Variants in DOCK3 observed in about 807,000 individuals in gnomAD.
DOCK3 encodes the protein dedicator of cytokinesis protein 3.
In DOCK3, 60 loss-of-function variants were observed where a neutral mutation model predicts 265.6. The observed-to-expected ratio is 0.23, with a 90% CI of 0.18 to 0.28. DOCK3 has a LOEUF of 0.28. Ranked by LOEUF, DOCK3 falls within the 10% of genes least tolerant of loss-of-function variation. The pLI is 1.00. For missense variants in DOCK3, 1,981 were observed against 2,594.3 expected (o/e 0.76, Z 5.14); for synonymous variants, 881 against 938.0 (o/e 0.94, Z 1.11).
At chr3:50,686,627 C>T (rs1307626734) in intron 1 of DOCK3, among the ~76,000 whole-genome samples, 2 of 152,126 alleles carry the variant, frequency 1.3e-5, no homozygotes, top group Non-Finnish European at 2.9e-5. Context: ...AATCTCTGCT[C>T]GCCAAGCATG....
intron 5 of DOCK3, among the ~76,000 whole-genome samples, chr3:51,041,471 C>G (rs1002054013): frequency 9.2e-5 from 14 of 151,856 alleles, no homozygotes; most frequent in African/African-American, 3.1e-4. Context: ...CCCGCCTCAG[C>G]TTCCCAAAGT....
At chr3:50,815,627 T>G (rs1008956334) in intron 2 of DOCK3, among the ~76,000 whole-genome samples, 7 of 152,164 alleles carry the variant, frequency 4.6e-5, no homozygotes, top group African/African-American at 1.7e-4. Context: ...CAATTTTTTT[T>G]TTTTTGAGTG....
chr3:50,955,242 T>C (rs571240966), intron 5 of DOCK3, among the ~76,000 whole-genome samples: 6 of 152,286 alleles, frequency 3.9e-5, no homozygotes, highest in African/African-American at 1.4e-4. Flanking sequence ...GGTGGGAGTG[T>C]AAATTAGTTC....
chr3:50,928,421 T>C (rs767145598), intron 4 of DOCK3, among the ~76,000 whole-genome samples: 3 of 152,188 alleles, frequency 2.0e-5, no homozygotes, highest in Non-Finnish European at 4.4e-5. Context: ...GTATCTGGCA[T>C]ATTTCACTAG....
chr3:51,360,861 G>T (rs1160341423), intron 47 of DOCK3, among the ~76,000 whole-genome samples: 6 of 152,148 alleles, frequency 3.9e-5, no homozygotes, highest in African/African-American at 1.2e-4. Context: ...GGGGCATTTG[G>T]GGTAAGTCTT....
At chr3:51,259,441 C>T (rs565935586) in intron 22 of DOCK3, among the ~76,000 whole-genome samples, 2 of 152,108 alleles carry the variant, frequency 1.3e-5, no homozygotes, top group South Asian at 4.1e-4. Flanking sequence ...AATTTGTTCT[C>T]TTAAAAGAAA....
intron 2 of DOCK3, among the ~76,000 whole-genome samples, chr3:50,789,783 T>C (rs2042370239): frequency 6.6e-6 from 1 of 152,244 alleles, no homozygotes; most frequent in Non-Finnish European, 1.5e-5. Context: ...TGGAATGCAG[T>C]GGTGTGATCT....
intron 5 of DOCK3, among the ~76,000 whole-genome samples, chr3:51,053,008 T>C (rs771906615): frequency 6.2e-5 from 9 of 145,110 alleles, no homozygotes; most frequent in Admixed American, 1.4e-4. Flanking sequence ...AGCAACCCAG[T>C]TGGGGTGGAG....
At chr3:50,988,219 G>T (rs927079486) in intron 5 of DOCK3, among the ~76,000 whole-genome samples, 1 of 152,036 alleles carries the variant, frequency 6.6e-6, no homozygotes, top group Non-Finnish European at 1.5e-5. Context: ...TGAGCTCCCC[G>T]GGGACAGAAG....
At chr3:50,985,711 G>C (rs764131975) in intron 5 of DOCK3, among the ~76,000 whole-genome samples, 2 of 151,980 alleles carry the variant, frequency 1.3e-5, no homozygotes, top group Non-Finnish European at 2.9e-5. Flanking sequence ...GATTAAGACA[G>C]GTTATTGAAC....
At position 50,863,469 on chromosome 3, in the gene DOCK3, G is replaced by T. The variant is rs370473323; in HGVS notation, c.162+21754G>T. The T allele has an allele frequency of 7.7e-6, 4 of 519,404 alleles. No individual in the cohort carries two copies. The Admixed American group carries it at 7.8e-5, about 10-fold the overall frequency. The allele number at this position is 519,404 out of a possible 1,614,324, so 32.2% of individuals were successfully genotyped here. ...GTGATTCATAGAATGTTACAAGGGT[G>T]AGTGCAGCAGAGAAGTACTCCCACC... On this transcript the variant is annotated intron_variant, in intron 3 of 52. Coordinates refer to ENST00000266037, the MANE Select transcript of DOCK3 (RefSeq NM_004947.5).
At chr3:50,800,596 A>G (rs1208542193) in intron 2 of DOCK3, among the ~76,000 whole-genome samples, 1 of 151,540 alleles carries the variant, frequency 6.6e-6, no homozygotes, top group Admixed American at 6.6e-5. Flanking sequence ...TGGTTTACCA[A>G]TTTTATTTAT....
Position 51,357,114 on chromosome 3 carries a change from C to A in DOCK3, c.4656C>A (p.Val1552=), listed in dbSNP as rs1478878883. The A allele has an allele frequency of 6.2e-7, 1 of 1,612,482 alleles. No homozygotes were observed. The highest frequency in any genetic ancestry group is 1.3e-5 in the African/African-American group (1 of 75,018). Residue 1552 remains valine, a synonymous_variant, in exon 44 of 53, where the codon GTC becomes GTA. Transcript: ENST00000266037. ...MCLNGVIDAA[V]NGGIARYQEA... ...TGAATGGTGTCATTGATGCAGCTGT[C>A]AATGGAGGCATTGCACGCTATCAGG...
At chr3:50,971,909 G>A (rs2108476164) in intron 5 of DOCK3, among the ~76,000 whole-genome samples, 1 of 152,320 alleles carries the variant, frequency 6.6e-6, no homozygotes, top group Non-Finnish European at 1.5e-5. Context: ...GAAATCTGCT[G>A]AGGTCCCCAC....
At chr3:50,938,666 A>C (rs2051530399) in intron 5 of DOCK3, among the ~76,000 whole-genome samples, 1 of 152,112 alleles carries the variant, frequency 6.6e-6, no homozygotes, top group Non-Finnish European at 1.5e-5. Flanking sequence ...TCTGTGTCAA[A>C]GAGGAAACTG....
At chr3:51,184,316 CAAAAAAA>C (rs34084936) in intron 12 of DOCK3, among the ~76,000 whole-genome samples, 1 of 137,956 alleles carries the variant, frequency 7.2e-6, no homozygotes, top group African/African-American at 2.7e-5. Context: ...TGCTTTGAAA[CAAAAAAA>C]AAAAAAAGAA....
chr3:50,944,555 G>A (rs1313750498), intron 5 of DOCK3, among the ~76,000 whole-genome samples: 1 of 152,192 alleles, frequency 6.6e-6, no homozygotes, highest in African/African-American at 2.4e-5. Context: ...AAGTACTAAT[G>A]TAAGCTAGAA....
chr3:51,321,658 C>T (rs150057024), intron 32 of DOCK3, among the ~76,000 whole-genome samples: 117 of 152,122 alleles, frequency 7.7e-4, no homozygotes, highest in African/African-American at 2.6e-3. Flanking sequence ...CTGAAAAACA[C>T]GGCACGAGAA....
At chr3:51,229,968 G>C (rs2090478343) in intron 19 of DOCK3, among the ~76,000 whole-genome samples, 1 of 152,160 alleles carries the variant, frequency 6.6e-6, no homozygotes, top group African/African-American at 2.4e-5. Context: ...CCGCATATAA[G>C]TGTGATCGTG....
Sources: gnomAD v4.1 joint callset for allele counts (sites outside exome capture counted in the v4.1 genomes callset) on GRCh38, gnomAD v4.1.1 for gene constraint, MANE v1.5 for transcripts, NCBI Gene and HGNC (gene_info 2026-07-23, HGNC 2026-07-21) for gene names.